Variants in USP50 observed in about 807,000 individuals in gnomAD.
USP50 encodes the protein ubiquitin carboxyl-terminal hydrolase 50.
A neutral mutation model predicts 39.2 loss-of-function variants in USP50; 37 were observed. The observed-to-expected ratio is 0.94, with a 90% CI of 0.73 to 1.24. The LOEUF (loss-of-function observed/expected upper bound fraction) is 1.24, where lower values mean the gene tolerates loss of function less well. Ranked by LOEUF, USP50 falls within the 50% of genes most tolerant of loss-of-function variation. The probability of loss-of-function intolerance (pLI) is 0.00; values close to 1 mark genes in which losing one functional copy is unlikely to be tolerated. For missense variants in USP50, 374 were observed against 398.2 expected, an observed-to-expected ratio of 0.94 and a Z score of 0.52; for synonymous variants, 139 against 144.5, an observed-to-expected ratio of 0.96 and a Z score of 0.27.
At chr15:50,493,905 G>T, downstream of USP50, 2 of 873,668 alleles carry the variant, frequency 2.3e-6, no homozygotes, top group South Asian at 2.8e-5. Flanking sequence ...ATGTAAGCAA[G>T]TCAGATTCAG....
At chr15:50,497,002 C>T, downstream of USP50, 1 of 1,479,792 alleles carries the variant, frequency 6.8e-7, no homozygotes, top group Non-Finnish European at 9.0e-7. Flanking sequence ...TCACTGGTGC[C>T]TGCAGAGTGA....
At chr15:50,510,871 G>A (rs1474172036) in intron 6 of USP50, 1 of 152,066 alleles carries the variant, frequency 6.6e-6, no homozygotes, top group Non-Finnish European at 1.5e-5. Flanking sequence ...CCGCCTCCTG[G>A]GTTCACGCCA....
Position 50,543,720 on chromosome 15 carries a change from A to G in USP50, c.322T>C (p.Ser108Pro), listed in dbSNP as rs1368602866. ...DMWLGDSDCV[S>P]PEIFWSALGN... ...AGAGCTGACCAGAATATTTCTGGTGAGACACAGTCTGAGTCTCCCAGCCAC... is the reference window on the plus strand; with the variant it reads ...AGAGCTGACCAGAATATTTCTGGTGGGACACAGTCTGAGTCTCCCAGCCAC... Residue 108 changes from serine (S) to proline (P), a missense_variant, in exon 3 of 7, where the codon TCA becomes CCA. Ser to Pro is a moderately conservative substitution (Grantham distance 74). Transcript: ENST00000532404. The G allele has an allele frequency of 1.2e-6, 2 of 1,611,648 alleles. No homozygotes were observed. Among genetic ancestry groups the G allele is most frequent in the East Asian group, 2.2e-5 (1 of 44,860 alleles).
intron 6 of USP50, among the ~76,000 whole-genome samples, chr15:50,518,377 C>T (rs1330543852): frequency 1.3e-5 from 2 of 151,892 alleles, no homozygotes; most frequent in African/African-American, 4.8e-5. Flanking sequence ...CCCACCACCA[C>T]GCCCGGCTAA....
chr15:50,541,026 G>C (rs771345849), intron 4 of USP50, 23 bp downstream of exon 4: 2 of 1,582,696 alleles, frequency 1.3e-6, no homozygotes, highest in African/African-American at 2.7e-5. Flanking sequence ...GAGACAAAGT[G>C]TCCAGGAATA....
chr15:50,529,784 T>G lies in USP50; in HGVS notation c.936+13A>C. On this transcript the variant is annotated intron_variant, in intron 6 of 6. Transcript: ENST00000532404. The stretch of plus-strand genomic sequence containing the variant: ...TAAAATTGGATTACTTTTAACAGTT[T>G]GTTTTTACTCACCACCACTGCACAG... The G allele has an allele frequency of 6.2e-6, 10 of 1,607,548 alleles. No individual in the cohort carries two copies. The highest frequency in any genetic ancestry group is 7.6e-6 in the Non-Finnish European group (9 of 1,178,162).
At chr15:50,540,092 A>G (rs1443824907) in intron 4 of USP50, among the ~76,000 whole-genome samples, 1 of 152,202 alleles carries the variant, frequency 6.6e-6, no homozygotes, top group African/African-American at 2.4e-5. Context: ...TTAGCAATAA[A>G]ATGTGCTTTC....
intron 6 of USP50, chr15:50,501,992 G>A (rs188551872): frequency 1.3e-5 from 2 of 152,288 alleles, no homozygotes; most frequent in Admixed American, 1.3e-4. Flanking sequence ...CAGTAAAACT[G>A]AATAGTTGCA....
In USP50 at chr15:50,541,132, TTAAAC is replaced by T; in HGVS notation, c.572_576del (p.Cys191Ter). The T allele has an allele frequency of 6.2e-7, 1 of 1,613,906 alleles. No homozygotes were observed. Among genetic ancestry groups the T allele is most frequent in the South Asian group, 1.1e-5 (1 of 91,076 alleles). On this transcript the variant is annotated frameshift_variant, in exon 4 of 7. Transcript: ENST00000532404. LOFTEE classifies it high-confidence loss of function. ...TTCTTGTAGGTGCATTTCTCACACT[TTAAAC>T]ATACGATGCTATAATTGAGCTGCTC...
intron 6 of USP50, chr15:50,511,620 C>G (rs1337219608): frequency 2.0e-5 from 3 of 152,192 alleles, no homozygotes; most frequent in Non-Finnish European, 4.4e-5. Context: ...CATGCTATGA[C>G]ATGAATGAAA....
rs115365202 is a variant in USP50, at chr15:50,539,102, T to G, written c.661-251A>C. Among the ~76,000 whole-genome samples the G allele has an allele frequency of 6.5e-3, 951 of 147,128 alleles. 11 individuals are homozygous for G. The highest frequency in any genetic ancestry group is 0.022 in the African/African-American group (890 of 39,732). ...TCACTTATAATCTAGAAATCAGTTTTTTTTGGTTTTGTTTTTTTTTTTTTT... is the reference window on the plus strand; with the variant it reads ...TCACTTATAATCTAGAAATCAGTTTGTTTTGGTTTTGTTTTTTTTTTTTTT... On this transcript the variant is annotated intron_variant, in intron 4 of 6. Transcript: ENST00000532404.
chr15:50,511,762 C>T (rs912965309), intron 6 of USP50: 1 of 152,232 alleles, frequency 6.6e-6, no homozygotes, highest in African/African-American at 2.4e-5. Context: ...CTGGGGGAGC[C>T]GAGGCAGGTG....
At chr15:50,525,444 T>C (rs1323096991) in intron 6 of USP50, among the ~76,000 whole-genome samples, 1 of 151,228 alleles carries the variant, frequency 6.6e-6, no homozygotes, top group Admixed American at 6.7e-5. Flanking sequence ...TATGTTAGCT[T>C]GATTTAATCA....
At chr15:50,505,065 G>A (rs2052640678) in intron 6 of USP50, 1 of 152,024 alleles carries the variant, frequency 6.6e-6, no homozygotes. Context: ...TACGTGTTAA[G>A]AGGCATGAAA....
At chr15:50,523,392 T>C (rs911454813) in intron 6 of USP50, among the ~76,000 whole-genome samples, 2 of 151,296 alleles carry the variant, frequency 1.3e-5, no homozygotes, top group African/African-American at 2.4e-5. Context: ...GGGCTGGTCT[T>C]GAACTCCCGG....
At chr15:50,520,291 A>G (rs2052838227) in intron 6 of USP50, among the ~76,000 whole-genome samples, 1 of 145,456 alleles carries the variant, frequency 6.9e-6, no homozygotes, top group African/African-American at 2.5e-5. Flanking sequence ...AGCCTTGGGC[A>G]ACAGAGAGAG....
At chr15:50,531,392 G>A (rs981981020) in intron 5 of USP50, among the ~76,000 whole-genome samples, 7 of 152,126 alleles carry the variant, frequency 4.6e-5, no homozygotes, top group Non-Finnish European at 7.3e-5. Context: ...AATAAAAAAG[G>A]CACTACTAAT....
intron 6 of USP50, chr15:50,502,415 C>T (rs1356130775): frequency 6.6e-6 from 1 of 152,332 alleles, no homozygotes; most frequent in Non-Finnish European, 1.5e-5. Flanking sequence ...GTTGCCCAGG[C>T]TGGAGTGCAG....
intron 6 of USP50, among the ~76,000 whole-genome samples, chr15:50,529,515 A>G (rs573351512): frequency 6.6e-6 from 1 of 152,244 alleles, no homozygotes; most frequent in African/African-American, 2.4e-5. Flanking sequence ...AGCTGTTGGA[A>G]CCAACTTCTG....
Sources: allele counts gnomAD v4.1 joint callset (sites outside exome capture counted in the v4.1 genomes callset), GRCh38; gene constraint gnomAD v4.1.1; transcripts MANE v1.5; gene names NCBI Gene and HGNC (gene_info 2026-07-23, HGNC 2026-07-21).